The following DSG4 variants were observed in gnomAD, a reference collection of about 807,000 sequenced individuals.
DSG4 encodes desmoglein 4.
DSG4 carries 87 observed loss-of-function variants against 93.1 expected under a neutral mutation model. The ratio of observed to expected loss-of-function variants is 0.93; its 90% CI spans 0.79 to 1.12. The LOEUF is 1.12. DSG4 is among the 50% of genes most tolerant of loss of function. DSG4 has a pLI of 0.00. For missense variants in DSG4, 1,373 were observed against 1,285.7 expected (o/e 1.07, Z -1.04); for synonymous variants, 432 against 452.9 (o/e 0.95, Z 0.59).
intron 8 of DSG4, among the ~76,000 whole-genome samples, chr18:31,398,440 C>G (rs1197110246): frequency 6.6e-6 from 1 of 152,182 alleles, no homozygotes; most frequent in Non-Finnish European, 1.5e-5. Flanking sequence ...CCCTGAGAAG[C>G]AGAGATTTAC....
At chr18:31,393,925 A>G (rs2072276919) in intron 8 of DSG4, among the ~76,000 whole-genome samples, 1 of 152,200 alleles carries the variant, frequency 6.6e-6, no homozygotes, top group South Asian at 2.1e-4. Context: ...TAAGATTGTC[A>G]TCCAAATGAA....
At chr18:31,401,714 A>C (rs1360803778) in intron 10 of DSG4, 1 of 152,208 alleles carries the variant, frequency 6.6e-6, no homozygotes, top group Non-Finnish European at 1.5e-5. Context: ...GCTGCTGTAG[A>C]ACCAAACAAG....
chr18:31,400,551 G>C (rs2072353512), intron 9 of DSG4, among the ~76,000 whole-genome samples: 2 of 152,016 alleles, frequency 1.3e-5, no homozygotes, highest in Admixed American at 1.3e-4. Flanking sequence ...AAATAAATAA[G>C]CAATATGTGT....
intron 8 of DSG4, among the ~76,000 whole-genome samples, chr18:31,392,859 C>A (rs545703125): frequency 6.6e-6 from 1 of 152,266 alleles, no homozygotes; most frequent in South Asian, 2.1e-4. Context: ...AAGTTCAGGG[C>A]ATGGTGAGCA....
Position 31,388,397 on chromosome 18 carries a change from A to G in DSG4, c.247A>G (p.Ile83Val). Residue 83 changes from isoleucine to valine, a missense_variant, in exon 4 of 16, where the codon ATA becomes GTA. Transcript: ENST00000308128. ...IRSDCESNQK[I>V]TYRISGVGID... ...ATCAGACTGCGAATCGAACCAGAAG[A>G]TAACATACCGGATTTCTGGAGTAGG... The G allele has an allele frequency of 6.2e-7, 1 of 1,613,488 alleles. No individual in the cohort carries two copies. Among genetic ancestry groups the G allele is most frequent in the Non-Finnish European group, 8.5e-7 (1 of 1,179,576 alleles).
intron 8 of DSG4, among the ~76,000 whole-genome samples, chr18:31,396,757 A>G (rs990240721): frequency 3.3e-5 from 5 of 152,160 alleles, no homozygotes; most frequent in African/African-American, 9.7e-5. Flanking sequence ...ACCAACTGGA[A>G]CTTTCTGGTC....
chr18:31,388,225 G>C, intron 3 of DSG4, 142 bp from the exon 4 acceptor site: 1 of 882,710 alleles, frequency 1.1e-6, no homozygotes, highest in Non-Finnish European at 1.8e-6. Context: ...AAATTTTCCA[G>C]GGTCACACAG....
chr18:31,389,226 A>G (rs1331886330), intron 5 of DSG4, among the ~76,000 whole-genome samples: 1 of 152,216 alleles, frequency 6.6e-6, no homozygotes, highest in Non-Finnish European at 1.5e-5. Context: ...TACTTGCGGA[A>G]GGTCCCTACA....
At chr18:31,406,457 G>C (rs2072428766) in intron 12 of DSG4, 84 bp downstream of exon 12, 1 of 1,556,868 alleles carries the variant, frequency 6.4e-7, no homozygotes, top group Admixed American at 1.7e-5. Context: ...TAGGTTCATG[G>C]AGCCATTTCT....
intron 11 of DSG4, 36 bp downstream of exon 11, chr18:31,403,670 G>A (rs975389354): frequency 1.2e-6 from 2 of 1,601,894 alleles, no homozygotes; most frequent in African/African-American, 2.7e-5. Flanking sequence ...TGGACTTTAA[G>A]TCCAAAAGCA....
At chr18:31,391,283 A>G in intron 7 of DSG4, 71 bp downstream of exon 7, 7 of 1,596,470 alleles carry the variant, frequency 4.4e-6, no homozygotes, top group Non-Finnish European at 6.0e-6. Context: ...TCAATAATCA[A>G]TCATGCTGGC....
rs371565465 is a variant in DSG4 at position 31,376,859 on chromosome 18, C to T, written c.-53C>T. Reference sequence around the variant, plus strand: ...AGAGCAGAATTCGGAACTGAGAAGACGAGGGCTCAAATTGAATCTCACAGG... The same window carrying T: ...AGAGCAGAATTCGGAACTGAGAAGATGAGGGCTCAAATTGAATCTCACAGG... On this transcript the variant is annotated 5_prime_UTR_variant, in exon 1 of 16. The change creates a new upstream start codon in the 5' untranslated region. Coordinates refer to ENST00000308128, the MANE Select transcript of DSG4 (RefSeq NM_177986.5). 461 of 1,604,742 alleles carry T rather than the reference C, an allele frequency of 2.9e-4. No homozygotes were observed. Among genetic ancestry groups the T allele is most frequent in the Non-Finnish European group, 3.6e-4 (417 of 1,171,970 alleles).
At chr18:31,405,662 T>C (rs1306915449) in intron 11 of DSG4, among the ~76,000 whole-genome samples, 1 of 151,950 alleles carries the variant, frequency 6.6e-6, no homozygotes, top group African/African-American at 2.4e-5. Flanking sequence ...GGCAGGTGGA[T>C]TGCTGGAGCC....
chr18:31,403,283 G>T, intron 10 of DSG4, 133 bp from the exon 11 acceptor site: 1 of 748,140 alleles, frequency 1.3e-6, no homozygotes, highest in South Asian at 1.5e-5. Context: ...TCACTGAAGC[G>T]GGCAGGAACC....
intron 8 of DSG4, among the ~76,000 whole-genome samples, chr18:31,394,382 A>G (rs1163331672): frequency 4.6e-5 from 7 of 152,320 alleles, no homozygotes; most frequent in African/African-American, 1.7e-4. Context: ...GTTTGAGACC[A>G]GCCTGACCAA....
chr18:31,403,716 A>G, intron 11 of DSG4, 82 bp downstream of exon 11: 1 of 1,243,030 alleles, frequency 8.0e-7, no homozygotes, highest in Non-Finnish European at 1.2e-6. Context: ...GTCACTTAAT[A>G]AAACATTCTA....
rs2072515246 is a variant in DSG4, at chr18:31,413,155, G to A, written c.2683G>A (p.Ala895Thr). Reference sequence around the variant, plus strand: ...AGAAGTTGAATTCCAAGAAGAAATGGCAGCATCTGAACCCGTGGTCCATGG... The same window carrying A: ...AGAAGTTGAATTCCAAGAAGAAATGACAGCATCTGAACCCGTGGTCCATGG... ...PSEVEFQEEM[A>T]ASEPVVHGDI... The change falls in exon 16 of 16, where the codon GCA becomes ACA. Residue 895 changes from alanine to threonine, a missense_variant. Coordinates refer to ENST00000308128, the MANE Select transcript of DSG4 (RefSeq NM_177986.5). 6.2e-7 allele frequency: 1 copy of A among 1,614,096 alleles called. No individual in the cohort carries two copies. The highest frequency in any genetic ancestry group is 1.3e-5 in the African/African-American group (1 of 75,020).
intron 8 of DSG4, among the ~76,000 whole-genome samples, chr18:31,395,464 C>A (rs967825252): frequency 5.3e-5 from 8 of 151,914 alleles, no homozygotes; most frequent in Non-Finnish European, 8.8e-5. Flanking sequence ...AAATTTTAAA[C>A]CTTGATGTTT....
At chr18:31,408,885 CT>C (rs1291322879) in intron 12 of DSG4, among the ~76,000 whole-genome samples, 2 of 152,082 alleles carry the variant, frequency 1.3e-5, no homozygotes, top group African/African-American at 4.8e-5. Flanking sequence ...AGGAAATTTC[CT>C]CTTAAGAAAC....
Sources: allele counts gnomAD v4.1 joint callset (sites outside exome capture counted in the v4.1 genomes callset), GRCh38; gene constraint gnomAD v4.1.1; transcripts MANE v1.5; gene names NCBI Gene and HGNC (gene_info 2026-07-23, HGNC 2026-07-21).